The following ATRNL1 variants were observed in gnomAD, a reference collection of about 807,000 sequenced individuals.
The protein encoded by ATRNL1 is attractin-like protein 1.
ATRNL1 carries 95 observed loss-of-function variants against 182.7 expected under a neutral mutation model. That is an observed-to-expected ratio of 0.52 (90% CI 0.44 to 0.62). The LOEUF is 0.62. ATRNL1 is among the 20% of genes least tolerant of loss of function. The pLI is 0.00. For missense variants in ATRNL1, 1,471 were observed against 1,679.5 expected (o/e 0.88, Z 2.17); for synonymous variants, 576 against 568.3 (o/e 1.01, Z -0.19).
chr10:115,151,823 C>T (rs1181032781), intron 5 of ATRNL1, among the ~76,000 whole-genome samples: 4 of 152,146 alleles, frequency 2.6e-5, no homozygotes, highest in African/African-American at 4.8e-5. Context: ...CCTAGGTTTT[C>T]TTCTAGGGTT....
At chr10:115,318,883 C>CTAT (rs1315683159) in intron 18 of ATRNL1, among the ~76,000 whole-genome samples, 2 of 152,168 alleles carry the variant, frequency 1.3e-5, no homozygotes, top group Non-Finnish European at 2.9e-5. Context: ...TTTCATGTCT[C>CTAT]TATCTCTTTT....
intron 19 of ATRNL1, among the ~76,000 whole-genome samples, chr10:115,355,882 C>T (rs1350530513): frequency 6.6e-6 from 1 of 151,732 alleles, no homozygotes; most frequent in South Asian, 2.1e-4. Context: ...CTTAATTTCT[C>T]TCTATATTTT....
chr10:115,765,576 C>A (rs1376207943), intron 27 of ATRNL1, among the ~76,000 whole-genome samples: 2 of 152,278 alleles, frequency 1.3e-5, no homozygotes, highest in African/African-American at 4.8e-5. Flanking sequence ...TATTTTCTCC[C>A]AGTCTGTAAC....
intron 8 of ATRNL1, among the ~76,000 whole-genome samples, chr10:115,203,191 T>A (rs1848659647): frequency 6.6e-6 from 1 of 152,144 alleles, no homozygotes; most frequent in African/African-American, 2.4e-5. Flanking sequence ...ATGATGAATT[T>A]CTTTTATTAT....
chr10:115,330,378 A>T (rs1358275756), intron 18 of ATRNL1, among the ~76,000 whole-genome samples: 1 of 152,046 alleles, frequency 6.6e-6, no homozygotes, highest in South Asian at 2.1e-4. Flanking sequence ...TCAGTTTTAT[A>T]GTTTTGAACT....
chr10:115,884,004 A>G (rs1022337017), intron 28 of ATRNL1, among the ~76,000 whole-genome samples: 1 of 152,228 alleles, frequency 6.6e-6, no homozygotes, highest in Non-Finnish European at 1.5e-5. Context: ...AATTCCAGGA[A>G]AGAATTGCGT....
intron 20 of ATRNL1, among the ~76,000 whole-genome samples, chr10:115,401,947 T>C (rs782503769): frequency 6.6e-6 from 1 of 152,202 alleles, no homozygotes; most frequent in Non-Finnish European, 1.5e-5. Flanking sequence ...AATTCAGTAG[T>C]ACTCATAATT....
At chr10:115,691,733 A>G (rs1555048271) in intron 26 of ATRNL1, among the ~76,000 whole-genome samples, 2 of 152,064 alleles carry the variant, frequency 1.3e-5, no homozygotes, top group East Asian at 1.9e-4. Flanking sequence ...AAATCAATCA[A>G]TCAATCAATC....
At chr10:115,427,760 C>CT (rs1260994715) in intron 21 of ATRNL1, among the ~76,000 whole-genome samples, 1 of 152,038 alleles carries the variant, frequency 6.6e-6, no homozygotes, top group Admixed American at 6.6e-5. Context: ...TTTCTGGACT[C>CT]TTTTCTGTTT....
chr10:115,535,233 T>C (rs1209167285), intron 25 of ATRNL1, among the ~76,000 whole-genome samples: 1 of 152,198 alleles, frequency 6.6e-6, no homozygotes, highest in Non-Finnish European at 1.5e-5. Flanking sequence ...TCCCCGTCAC[T>C]TTCAGGTACA....
At chr10:115,231,524 A>G (rs1554900011) in intron 9 of ATRNL1, among the ~76,000 whole-genome samples, 1 of 152,130 alleles carries the variant, frequency 6.6e-6, no homozygotes, top group Non-Finnish European at 1.5e-5. Flanking sequence ...GACAAGATAT[A>G]TATATTTTTA....
At chr10:115,431,252 A>T (rs1420738044) in intron 21 of ATRNL1, among the ~76,000 whole-genome samples, 3 of 152,062 alleles carry the variant, frequency 2.0e-5, no homozygotes, top group African/African-American at 7.2e-5. Context: ...CTAAAAATAC[A>T]AAATTAGCTG....
At chr10:115,620,147 A>G (rs1435496762) in intron 26 of ATRNL1, among the ~76,000 whole-genome samples, 2 of 152,216 alleles carry the variant, frequency 1.3e-5, no homozygotes, top group Admixed American at 1.3e-4. Flanking sequence ...GAGGCTTACA[A>G]TCATGGAAGA....
chr10:115,201,467 G>A (rs2144306928), intron 8 of ATRNL1, among the ~76,000 whole-genome samples: 1 of 152,124 alleles, frequency 6.6e-6, no homozygotes, highest in Admixed American at 6.5e-5. Context: ...AGTTTTCCCA[G>A]CACCATTTAT....
At chr10:115,872,061 A>T (rs1270790898) in intron 28 of ATRNL1, among the ~76,000 whole-genome samples, 1 of 152,220 alleles carries the variant, frequency 6.6e-6, no homozygotes, top group Non-Finnish European at 1.5e-5. Flanking sequence ...AGAAGCCATT[A>T]AAGACTTATT....
chr10:115,601,009 G>A (rs184343844), intron 26 of ATRNL1, among the ~76,000 whole-genome samples: 29 of 144,616 alleles, frequency 2.0e-4, no homozygotes, highest in African/African-American at 6.1e-4. Flanking sequence ...TTTCCGCATT[G>A]CATTTCTTAC....
chr10:115,421,362 C>T (rs1044187525), intron 20 of ATRNL1, among the ~76,000 whole-genome samples: 2 of 152,126 alleles, frequency 1.3e-5, no homozygotes, highest in Non-Finnish European at 2.9e-5. Context: ...TAGTGAAATT[C>T]ATCCCAGTAA....
chr10:115,901,120 T>A (rs1279067892), intron 28 of ATRNL1, among the ~76,000 whole-genome samples: 3 of 152,222 alleles, frequency 2.0e-5, no homozygotes, highest in African/African-American at 7.2e-5. Context: ...ACAAATATAT[T>A]AATGTCATCA....
chr10:115,519,011 G>A (rs1028107348), intron 24 of ATRNL1, among the ~76,000 whole-genome samples: 2 of 151,860 alleles, frequency 1.3e-5, no homozygotes, highest in Non-Finnish European at 2.9e-5. Context: ...AACTCTTAGC[G>A]TGCATCCTTA....
Sources: gnomAD v4.1 joint callset for allele counts (sites outside exome capture counted in the v4.1 genomes callset) on GRCh38, gnomAD v4.1.1 for gene constraint, MANE v1.5 for transcripts, NCBI Gene and HGNC (gene_info 2026-07-23, HGNC 2026-07-21) for gene names.